The following STAC2 variants were observed in gnomAD, a reference collection of about 807,000 sequenced individuals.
STAC2 encodes SH3 and cysteine-rich domain-containing protein 2.
A neutral mutation model predicts 49.0 loss-of-function variants in STAC2; 36 were observed. The ratio of observed to expected loss-of-function variants is 0.74; its 90% CI spans 0.56 to 0.97. The LOEUF is 0.97. Among genes scored for constraint, STAC2 ranks in the 50% least tolerant of loss-of-function variants. STAC2 has a pLI of 0.00. For synonymous variants in STAC2, 239 were observed against 214.7 expected, an observed-to-expected ratio of 1.11 and a Z score of -0.99; for missense variants, 527 against 543.8, an observed-to-expected ratio of 0.97 and a Z score of 0.31.
At chr17:39,215,766 C>T (rs760472691) in intron 4 of STAC2, among the ~76,000 whole-genome samples, 17 of 152,096 alleles carry the variant, frequency 1.1e-4, no homozygotes, top group Non-Finnish European at 2.2e-4. Flanking sequence ...TACAATGGCA[C>T]GATCCTGGCT....
intron 1 of STAC2, among the ~76,000 whole-genome samples, chr17:39,221,099 TG>T (rs2046458502): frequency 6.8e-6 from 1 of 146,706 alleles, no homozygotes; most frequent in African/African-American, 2.5e-5. Flanking sequence ...CCTGCCCTCT[TG>T]TTTTTATTTT....
Position 39,218,023 on chromosome 17 carries a change from G to A in STAC2, c.241C>T (p.Pro81Ser), listed in dbSNP as rs1400248182. Residue 81 changes from proline to serine, a missense_variant, in exon 2 of 11, where the codon CCC becomes TCC. Coordinates refer to ENST00000333461, the MANE Select transcript of STAC2 (RefSeq NM_198993.5). ...GCCAGGCCCCTGTCCGAGGCTGTGGGTGGTGGGGAGGGAGGGGGCAGTGGG... is the reference window on the plus strand; with the variant it reads ...GCCAGGCCCCTGTCCGAGGCTGTGGATGGTGGGGAGGGAGGGGGCAGTGGG... ...PTPLPPPSPP[P>S]TASDRGLATP... The A allele has an allele frequency of 1.3e-6, 2 of 1,589,606 alleles. No homozygotes were observed. The highest frequency in any genetic ancestry group is 1.3e-5 in the African/African-American group (1 of 74,602).
rs1451837284 is a variant in STAC2, at chr17:39,214,225, G to A, written c.941+8C>T. On this transcript the variant is annotated splice_region_variant and intron_variant, in intron 8 of 10. Transcript: ENST00000333461. ...GCCCAGCGGGGCCAGGTCACAAAGAGGACTTACTGCAGAGCCAGATCATTG... is the reference window on the plus strand; with the variant it reads ...GCCCAGCGGGGCCAGGTCACAAAGAAGACTTACTGCAGAGCCAGATCATTG... 2 of 1,613,752 alleles carry A rather than the reference G, an allele frequency of 1.2e-6. No homozygotes were observed. The highest frequency in any genetic ancestry group is 2.2e-5 in the South Asian group (2 of 91,066).
chr17:39,215,043 A>T lies in STAC2; in HGVS notation c.700-20T>A, dbSNP rs761706310. ...CTCACTCTAGGGACAGAGAGAGGAG[A>T]GGGCTCAGCCCCCGAGCCCACTGTC... On this transcript the variant is annotated intron_variant, in intron 5 of 10. Coordinates refer to ENST00000333461, the MANE Select transcript of STAC2 (RefSeq NM_198993.5). 16 of 1,613,838 alleles carry T rather than the reference A, an allele frequency of 9.9e-6. No homozygotes were observed. The highest frequency in any genetic ancestry group is 1.6e-4 in the Middle Eastern group (1 of 6,084).
Position 39,213,116 on chromosome 17 carries a change from C to G in STAC2, c.1010G>C (p.Arg337Pro), listed in dbSNP as rs747558481. 5 of 1,609,270 alleles carry G rather than the reference C, an allele frequency of 3.1e-6. No individual in the cohort carries two copies. In the African/African-American group the frequency reaches 6.7e-5, roughly 21 times the overall value. Reference sequence around the variant, plus strand: ...AAAATTAGCTGGGAAGAAGCCAACCCGGTCGCCGATCTTGCCCTGGGGATG... The same window carrying G: ...AAAATTAGCTGGGAAGAAGCCAACCGGGTCGCCGATCTTGCCCTGGGGATG... Reference protein sequence around the residue: ...EDWWKGKIGDRVGFFPANFVQ... With the variant: ...EDWWKGKIGDPVGFFPANFVQ... Residue 337 changes from arginine (R) to proline (P), a missense_variant, in exon 10 of 11, where the codon CGG becomes CCG. Arg to Pro is a moderately radical substitution (Grantham distance 103). Transcript: ENST00000333461.
rs537871551 is a variant in STAC2 at position 39,212,228 on chromosome 17, C to T, written c.*64G>A. 6.3e-6 allele frequency: 8 copies of T among 1,262,604 alleles called. No individual in the cohort carries two copies. Among genetic ancestry groups the T allele is most frequent in the South Asian group, 2.6e-5 (2 of 77,468 alleles). 78.2% of individuals were successfully genotyped at this position (1,262,604 alleles called of 1,614,324 possible). A position where few individuals can be genotyped will look rare whatever the true frequency, so the allele number is the denominator to read the frequency against. On this transcript the variant is annotated 3_prime_UTR_variant, in exon 11 of 11. Transcript: ENST00000333461. ...GGAGTGGACAAGGGGGCCTGATCCC[C>T]TCCCTGGCCAGAAGCAAGGTCCAGG... is the stretch of plus-strand genomic sequence containing the variant.
Position 39,214,833 on chromosome 17 carries a change from C to G in STAC2, c.801G>C (p.Glu267Asp). 1 of 1,614,112 alleles carries G rather than the reference C, an allele frequency of 6.2e-7. No individual in the cohort carries two copies. Among genetic ancestry groups the G allele is most frequent in the African/African-American group, 1.3e-5 (1 of 75,002 alleles). Reference protein sequence around the residue: ...SASPVFTAPAESEGPGPEEKS... With the variant: ...SASPVFTAPADSEGPGPEEKS... ...TCTCCTCTGGTCCTGGCCCTTCACTCTCTGCTGGGGCTGTGAATACTGGAG... is the reference window on the plus strand; with the variant it reads ...TCTCCTCTGGTCCTGGCCCTTCACTGTCTGCTGGGGCTGTGAATACTGGAG... The change falls in exon 7 of 11, where the codon GAG (glutamate) becomes GAC (aspartate). Residue 267 changes from glutamate (E) to aspartate (D), a missense_variant. Coordinates refer to ENST00000333461, the MANE Select transcript of STAC2 (RefSeq NM_198993.5).
chr17:39,225,506 TC>T lies in STAC2; in HGVS notation c.-5del, dbSNP rs774111322. The T allele has an allele frequency of 1.2e-6, 2 of 1,610,096 alleles. No individual in the cohort carries two copies. Among genetic ancestry groups the T allele is most frequent in the East Asian group, 2.2e-5 (1 of 44,564 alleles). On this transcript the variant is annotated 5_prime_UTR_variant, in exon 1 of 11. Transcript: ENST00000333461. The surrounding 1 kb of genome is among the most constrained non-coding windows in gnomAD (Gnocchi z 8.2). The stretch of plus-strand genomic sequence containing the variant: ...CCTTCTCGCTCATCTCGGTCATGGT[TC>T]GGGGAGAGGGGAGGAGAGGGTGCCG...
In STAC2 at chr17:39,214,312, G is replaced by A. The variant is rs749114921; in HGVS notation, c.862C>T (p.Arg288Trp). 7.4e-6 allele frequency: 12 copies of A among 1,613,964 alleles called. No homozygotes were observed. Among genetic ancestry groups the A allele is most frequent in the Admixed American group, 3.3e-5 (2 of 60,004 alleles). Residue 288 changes from arginine (R) to tryptophan (W), a missense_variant, in exon 8 of 11, where the codon CGG becomes TGG. Coordinates refer to ENST00000333461, the MANE Select transcript of STAC2 (RefSeq NM_198993.5). ...PGQQLPKATL[R>W]KDVGPMYSYV... Reference sequence around the variant, plus strand: ...GAGTACATGGGCCCCACATCCTTCCGCAGGGTGGCTTTGGGGAGCTGCGGG... The same window carrying A: ...GAGTACATGGGCCCCACATCCTTCCACAGGGTGGCTTTGGGGAGCTGCGGG...
At chr17:39,223,346 A>G (rs545245562) in intron 1 of STAC2, among the ~76,000 whole-genome samples, 2 of 152,246 alleles carry the variant, frequency 1.3e-5, no homozygotes, top group African/African-American at 4.8e-5. Flanking sequence ...GCCCTGCTGA[A>G]TACCCCCGAC....
At chr17:39,213,967 G>A (rs1392996934) in intron 8 of STAC2, among the ~76,000 whole-genome samples, 7 of 152,206 alleles carry the variant, frequency 4.6e-5, no homozygotes, top group South Asian at 2.1e-4. Context: ...GTGAGCCACC[G>A]CGCCCCGCTG....
At chr17:39,217,209 C>T (rs753877829) in intron 2 of STAC2, 36 bp from the exon 3 acceptor site, 2 of 1,599,396 alleles carry the variant, frequency 1.3e-6, no homozygotes, top group Non-Finnish European at 1.7e-6. Context: ...TGAGGACACC[C>T]CCGTGGGCAA....
At chr17:39,220,294 A>G (rs923201932) in intron 1 of STAC2, among the ~76,000 whole-genome samples, 2 of 152,102 alleles carry the variant, frequency 1.3e-5, no homozygotes, top group Non-Finnish European at 2.9e-5. Flanking sequence ...GGGGGCTTGG[A>G]TGGGCCCCAA....
intron 1 of STAC2, among the ~76,000 whole-genome samples, chr17:39,222,384 G>T (rs971272591): frequency 1.3e-5 from 2 of 152,198 alleles, no homozygotes; most frequent in African/African-American, 4.8e-5. Flanking sequence ...CAGATCCCAG[G>T]GGGGTGGAGA....
In STAC2 at chr17:39,213,551, C is replaced by T. The variant is rs762747972; in HGVS notation, c.949G>A (p.Asp317Asn). ...ENNDLALQPG[D>N]RIMLVDDSNE... is the part of the protein sequence containing the mutation. ...GAGTCATCCACCAGCATGATCCGATCTCCAGGCCTGGGGAGGACAGAGCTA... is the reference window on the plus strand; with the variant it reads ...GAGTCATCCACCAGCATGATCCGATTTCCAGGCCTGGGGAGGACAGAGCTA... Residue 317 changes from aspartate to asparagine, a missense_variant, in exon 9 of 11, where the codon GAT (aspartate) becomes AAT (asparagine). Physicochemically the swap from Asp to Asn is conservative, Grantham distance 23. Transcript: ENST00000333461. The T allele has an allele frequency of 3.2e-5, 52 of 1,613,718 alleles. No individual in the cohort carries two copies. The Admixed American group carries it at 4.7e-4, about 14-fold the overall frequency.
chr17:39,218,240 A>G, intron 1 of STAC2, 67 bp from the exon 2 acceptor site: 1 of 1,562,540 alleles, frequency 6.4e-7, no homozygotes, highest in East Asian at 2.2e-5. Flanking sequence ...GCTTCCCTTC[A>G]GGGTGTCTCT....
intron 2 of STAC2, 143 bp from the exon 3 acceptor site, chr17:39,217,316 G>C (rs2046414583): frequency 1.2e-5 from 9 of 741,090 alleles, no homozygotes. Context: ...ACACAGTCAG[G>C]GTATGAGGGA....
At chr17:39,215,283 T>C (rs1242133665) in intron 4 of STAC2, 53 bp from the exon 5 acceptor site, 1 of 1,578,978 alleles carries the variant, frequency 6.3e-7, no homozygotes, top group Non-Finnish European at 8.7e-7. Context: ...CCTGCATCTC[T>C]AGTCCCGGCT....
chr17:39,213,493 C>T lies in STAC2; in HGVS notation c.993+14G>A. 6.2e-7 allele frequency: 1 copy of T among 1,613,640 alleles called. No homozygotes were observed. Among genetic ancestry groups the T allele is most frequent in the Non-Finnish European group, 8.5e-7 (1 of 1,179,698 alleles). On this transcript the variant is annotated intron_variant, in intron 9 of 10. Transcript: ENST00000333461. ...CCTACCAGTGTCCCTCCACTCCCCA[C>T]CCTGCCAAGTCACCTTCCACCAGTC...
Sources: allele counts gnomAD v4.1 joint callset (sites outside exome capture counted in the v4.1 genomes callset), GRCh38; gene constraint gnomAD v4.1.1; non-coding constraint Gnocchi (gnomAD v3.1); transcripts MANE v1.5; gene names NCBI Gene and HGNC (gene_info 2026-07-23, HGNC 2026-07-21).